The following DCAF1 variants were observed in gnomAD, a reference collection of about 807,000 sequenced individuals.
DCAF1 encodes the protein DDB1- and CUL4-associated factor 1.
Under a neutral mutation model 128.0 loss-of-function variants are expected in DCAF1, and 15 were observed. The observed-to-expected ratio is 0.12, with a 90% CI of 0.08 to 0.18. The LOEUF is 0.18. DCAF1 is among the 10% of genes least tolerant of loss of function. DCAF1 has a pLI of 1.00. For synonymous variants in DCAF1, 610 were observed against 603.0 expected, an observed-to-expected ratio of 1.01 and a Z score of -0.17; for missense variants, 988 against 1,649.5, an observed-to-expected ratio of 0.60 and a Z score of 6.95.
intron 6 of DCAF1, among the ~76,000 whole-genome samples, chr3:51,449,026 C>A (rs1303107571): frequency 6.6e-6 from 1 of 151,782 alleles, no homozygotes. Context: ...AACTAGAAAT[C>A]AACAATATCG....
chr3:51,500,544 T>C (rs1219310280), upstream of DCAF1, among the ~76,000 whole-genome samples: 5 of 152,120 alleles, frequency 3.3e-5, no homozygotes, highest in Non-Finnish European at 7.3e-5. Flanking sequence ...TTTGTTTGTT[T>C]TGTTTTGTTT....
At chr3:51,503,189 T>C (rs551903306), upstream of DCAF1, among the ~76,000 whole-genome samples, 27 of 152,232 alleles carry the variant, frequency 1.8e-4, no homozygotes, top group Middle Eastern at 3.4e-3. Context: ...AAGCCCCATC[T>C]GAAAGAGTGA....
intron 6 of DCAF1, among the ~76,000 whole-genome samples, chr3:51,451,358 G>GT (rs1702334564): frequency 6.6e-6 from 1 of 151,894 alleles, no homozygotes; most frequent in African/African-American, 2.4e-5. Flanking sequence ...GCTCATGCCT[G>GT]TAATGCCAGC....
At chr3:51,459,167 G>C (rs1703262587) in intron 6 of DCAF1, among the ~76,000 whole-genome samples, 1 of 151,778 alleles carries the variant, frequency 6.6e-6, no homozygotes, top group Non-Finnish European at 1.5e-5. Context: ...CCGCTAGCAA[G>C]AATAATAAGA....
At position 51,398,524 on chromosome 3, in the gene DCAF1, G is replaced by T. The variant is rs1168019617; in HGVS notation, c.*245C>A. On this transcript the variant is annotated 3_prime_UTR_variant, in exon 25 of 25. Transcript: ENST00000684031. ...AAAGATATGTCCATCCTAGGAAATG[G>T]TGGGGGGTGGATGTGGGGGGTGCAG... 6.5e-6 allele frequency: 3 copies of T among 461,224 alleles called. No homozygotes were observed. The highest frequency in any genetic ancestry group is 2.0e-5 in the African/African-American group (1 of 49,658). 28.6% of individuals were successfully genotyped at this position (461,224 alleles called of 1,614,324 possible).
intron 23 of DCAF1, 113 bp downstream of exon 23, chr3:51,412,266 G>A (rs1698499843): frequency 4.8e-6 from 7 of 1,450,512 alleles, no homozygotes; most frequent in Non-Finnish European, 6.5e-6. Context: ...CCTTATGAAT[G>A]TGGCAACAGG....
intron 2 of DCAF1, among the ~76,000 whole-genome samples, chr3:51,484,146 G>T (rs1447615875): frequency 6.6e-6 from 1 of 152,048 alleles, no homozygotes. Flanking sequence ...CTTTGAAAAT[G>T]AGACAAAAAA....
At chr3:51,475,244 A>C (rs912611703) in intron 3 of DCAF1, among the ~76,000 whole-genome samples, 1 of 152,062 alleles carries the variant, frequency 6.6e-6, no homozygotes, top group Admixed American at 6.6e-5. Flanking sequence ...AAAAGAAAAA[A>C]AAAAACAAAA....
chr3:51,441,143 G>T, intron 8 of DCAF1, 72 bp from the exon 9 acceptor site: 1 of 1,393,306 alleles, frequency 7.2e-7, no homozygotes, highest in Non-Finnish European at 9.9e-7. Context: ...CACTCTTTGA[G>T]GATAGAAGCC....
chr3:51,405,739 T>C (rs183785632), intron 23 of DCAF1, among the ~76,000 whole-genome samples: 17 of 152,310 alleles, frequency 1.1e-4, no homozygotes, highest in African/African-American at 3.8e-4. Context: ...AAAGAGATTC[T>C]AGGAAGCAAT....
chr3:51,444,910 C>T (rs1234026750), intron 6 of DCAF1, among the ~76,000 whole-genome samples: 5 of 143,528 alleles, frequency 3.5e-5, no homozygotes, highest in African/African-American at 5.2e-5. Flanking sequence ...CTCCTGACCT[C>T]GTGATCCGCC....
At chr3:51,438,715 G>A (rs1553637789) in intron 9 of DCAF1, among the ~76,000 whole-genome samples, 1 of 152,176 alleles carries the variant, frequency 6.6e-6, no homozygotes, top group Non-Finnish European at 1.5e-5. Context: ...GGGTTCAAGC[G>A]ATTATCCTGC....
chr3:51,431,514 C>T lies in DCAF1; in HGVS notation c.1288-1302G>A, dbSNP rs532710744. On this transcript the variant is annotated intron_variant, in intron 10 of 24. Coordinates refer to ENST00000684031, the MANE Select transcript of DCAF1 (RefSeq NM_001387579.1). ...CAGTCTGGGTGACAGAGCAAGATTC[C>T]GTCTCAAAAAAAAAAAAAAAAAAAG... 5.0e-3 allele frequency among the ~76,000 whole-genome samples: 692 copies of T among 137,220 alleles called. 2 individuals are homozygous for T. Among genetic ancestry groups the T allele is most frequent in the Middle Eastern group, 0.011 (3 of 272 alleles). 90.0% of individuals were successfully genotyped at this position (137,220 alleles called of 152,430 possible).
upstream of DCAF1, among the ~76,000 whole-genome samples, chr3:51,501,945 A>G (rs1708828508): frequency 6.6e-6 from 1 of 152,086 alleles, no homozygotes; most frequent in Admixed American, 6.6e-5. Context: ...AATCACCTTT[A>G]CAGATGAGAA....
intron 2 of DCAF1, among the ~76,000 whole-genome samples, chr3:51,491,035 T>C (rs1707571310): frequency 2.0e-5 from 2 of 99,348 alleles, no homozygotes; most frequent in African/African-American, 8.0e-5. Context: ...GGCACAACAA[T>C]CTTGGAAAAA....
At chr3:51,443,963 T>A (rs1701603562) in intron 6 of DCAF1, 60 bp from the exon 7 acceptor site, 1 of 1,485,400 alleles carries the variant, frequency 6.7e-7, no homozygotes, top group South Asian at 1.4e-5. Context: ...TGATTAACAA[T>A]AAGCAAAGAT....
chr3:51,495,181 G>A (rs1183292848), intron 2 of DCAF1, among the ~76,000 whole-genome samples: 4 of 151,314 alleles, frequency 2.6e-5, no homozygotes, highest in African/African-American at 9.7e-5. Context: ...AAAATTAGCC[G>A]GACGTGGCAG....
At chr3:51,499,516 G>C (rs1191310017) in intron 1 of DCAF1, among the ~76,000 whole-genome samples, 1 of 152,150 alleles carries the variant, frequency 6.6e-6, no homozygotes, top group Non-Finnish European at 1.5e-5. Flanking sequence ...ACAGAGACTA[G>C]GAGGATTGGA....
intron 9 of DCAF1, among the ~76,000 whole-genome samples, chr3:51,435,512 A>G (rs890828633): frequency 2.4e-4 from 37 of 152,314 alleles, no homozygotes; most frequent in African/African-American, 8.7e-4. Context: ...TTGGAACTGT[A>G]CTACTTTGGC....
Sources: gnomAD v4.1 joint callset for allele counts (sites outside exome capture counted in the v4.1 genomes callset) on GRCh38, gnomAD v4.1.1 for gene constraint, MANE v1.5 for transcripts, NCBI Gene and HGNC (gene_info 2026-07-23, HGNC 2026-07-21) for gene names.